The following STMN2 variants were observed in gnomAD, a reference collection of about 807,000 sequenced individuals.
The protein encoded by STMN2 is stathmin-2.
STMN2 carries 2 observed loss-of-function variants against 24.1 expected under a neutral mutation model. The ratio of observed to expected loss-of-function variants is 0.08; its 90% CI spans 0.03 to 0.26. The LOEUF is 0.26. STMN2 is among the 10% of genes least tolerant of loss of function. The pLI is 1.00. For missense variants in STMN2, 114 were observed against 213.6 expected (o/e 0.53, Z 2.91); for synonymous variants, 83 against 77.5 (o/e 1.07, Z -0.37).
At chr8:79,615,401 C>A (rs1039060097) in intron 1 of STMN2, among the ~76,000 whole-genome samples, 1 of 152,176 alleles carries the variant, frequency 6.6e-6, no homozygotes, top group African/African-American at 2.4e-5. Context: ...TAGCGAACCC[C>A]AGCTCACACC....
At chr8:79,619,832 A>G (rs1245533791) in intron 1 of STMN2, among the ~76,000 whole-genome samples, 2 of 152,182 alleles carry the variant, frequency 1.3e-5, no homozygotes, top group Non-Finnish European at 1.5e-5. Context: ...TTAATGACAT[A>G]TTACATGATC....
chr8:79,628,034 G>A (rs1166263460), intron 1 of STMN2, among the ~76,000 whole-genome samples: 1 of 151,892 alleles, frequency 6.6e-6, no homozygotes, highest in East Asian at 1.9e-4. Flanking sequence ...CCATATCTTG[G>A]GTCTTGTGAA....
At chr8:79,657,761 A>G (rs1312416626) in intron 4 of STMN2, among the ~76,000 whole-genome samples, 1 of 152,224 alleles carries the variant, frequency 6.6e-6, no homozygotes, top group Non-Finnish European at 1.5e-5. Context: ...TGTATATCAC[A>G]TAGGTGGATT....
chr8:79,614,084 C>A (rs1173583936), intron 1 of STMN2, among the ~76,000 whole-genome samples: 1 of 152,182 alleles, frequency 6.6e-6, no homozygotes, highest in Non-Finnish European at 1.5e-5. Flanking sequence ...CTCAATCCTA[C>A]ACAGATACAT....
chr8:79,625,171 A>G (rs1387518624), intron 1 of STMN2, among the ~76,000 whole-genome samples: 2 of 152,022 alleles, frequency 1.3e-5, no homozygotes, highest in African/African-American at 4.8e-5. Flanking sequence ...TATTTTTTGC[A>G]CTATAGACTT....
chr8:79,660,994 G>C (rs1806489539), intron 4 of STMN2, among the ~76,000 whole-genome samples: 1 of 152,054 alleles, frequency 6.6e-6, no homozygotes. Context: ...CCTTTTTATG[G>C]CTGAGTAGTA....
intron 1 of STMN2, among the ~76,000 whole-genome samples, chr8:79,636,111 G>A (rs958602180): frequency 2.0e-5 from 3 of 152,114 alleles, no homozygotes; most frequent in African/African-American, 7.2e-5. Context: ...CAGCTAATGG[G>A]GAGGCTGAGG....
chr8:79,633,159 C>T (rs1330754212), intron 1 of STMN2, among the ~76,000 whole-genome samples: 1 of 152,132 alleles, frequency 6.6e-6, no homozygotes, highest in African/African-American at 2.4e-5. Context: ...AGGAGGAAAC[C>T]CTTCTTCACA....
At chr8:79,637,529 G>C (rs1036825184) in intron 2 of STMN2, among the ~76,000 whole-genome samples, 3 of 152,172 alleles carry the variant, frequency 2.0e-5, no homozygotes, top group African/African-American at 7.2e-5. Context: ...CAATCCACAT[G>C]ATCTTGGTCA....
chr8:79,663,303 C>T (rs186276533), intron 4 of STMN2, among the ~76,000 whole-genome samples: 1 of 152,244 alleles, frequency 6.6e-6, no homozygotes, highest in East Asian at 1.9e-4. Flanking sequence ...GCCAGGTTCC[C>T]TGGGTTTAAA....
chr8:79,642,894 T>TTA (rs1810133232), intron 3 of STMN2, among the ~76,000 whole-genome samples: 1 of 148,962 alleles, frequency 6.7e-6, no homozygotes, highest in Admixed American at 6.7e-5. Context: ...ATATGAATTT[T>TTA]TATATATATA....
chr8:79,640,413 T>A (rs563671412), intron 2 of STMN2, among the ~76,000 whole-genome samples: 1 of 150,980 alleles, frequency 6.6e-6, no homozygotes, highest in East Asian at 1.9e-4. Context: ...GTCCTCCAGG[T>A]TCACCCATGT....
intron 1 of STMN2, among the ~76,000 whole-genome samples, chr8:79,624,453 CAAAAAAAAA>C (rs1011493193): frequency 1.6e-4 from 7 of 45,132 alleles, no homozygotes; most frequent in Admixed American, 2.6e-4. Context: ...GACTCCGTCT[CAAAAAAAAA>C]AAAAAAAAAA....
At chr8:79,657,624 C>T (rs1806406059) in intron 4 of STMN2, among the ~76,000 whole-genome samples, 1 of 152,158 alleles carries the variant, frequency 6.6e-6, no homozygotes, top group Admixed American at 6.5e-5. Context: ...ATTCTAGGAC[C>T]ACATTTTTTT....
intron 3 of STMN2, among the ~76,000 whole-genome samples, chr8:79,647,076 T>C (rs1810234216): frequency 6.6e-6 from 1 of 152,194 alleles, no homozygotes; most frequent in African/African-American, 2.4e-5. Context: ...AATACATACA[T>C]GTTCCACCTG....
intron 1 of STMN2, among the ~76,000 whole-genome samples, chr8:79,617,874 G>A (rs1809420856): frequency 6.6e-6 from 1 of 152,212 alleles, no homozygotes; most frequent in African/African-American, 2.4e-5. Context: ...GCAAGGCATT[G>A]TTCTAAGAAC....
chr8:79,637,531 T>A (rs901038280), intron 2 of STMN2, among the ~76,000 whole-genome samples: 2 of 152,214 alleles, frequency 1.3e-5, no homozygotes, highest in Non-Finnish European at 2.9e-5. Context: ...ATCCACATGA[T>A]CTTGGTCAAA....
intron 3 of STMN2, among the ~76,000 whole-genome samples, chr8:79,653,421 T>C (rs1810377043): frequency 6.6e-6 from 1 of 152,088 alleles, no homozygotes; most frequent in Non-Finnish European, 1.5e-5. Context: ...GAAACCATTA[T>C]GGGGTTAAAG....
rs368043075 is a variant in STMN2 at position 79,611,183 on chromosome 8, G to A, written c.-13G>A. 7 of 1,613,904 alleles carry A rather than the reference G, an allele frequency of 4.3e-6. No individual in the cohort carries two copies. In the African/African-American group the frequency reaches 9.3e-5, roughly 22 times the overall value. ...TTGCCTTCGCCACTGCTCAGCGTCT[G>A]CACATCCCTACAATGGCTAAAACAG... On this transcript the variant is annotated 5_prime_UTR_variant, in exon 1 of 5. Transcript: ENST00000220876.
Sources: allele counts gnomAD v4.1 joint callset (sites outside exome capture counted in the v4.1 genomes callset), GRCh38; gene constraint gnomAD v4.1.1; transcripts MANE v1.5; gene names NCBI Gene and HGNC (gene_info 2026-07-23, HGNC 2026-07-21).